ATP6V0A2: variants seen among roughly 807,000 people sequenced by gnomAD.
ATP6V0A2 encodes V-type proton ATPase 116 kDa subunit a 2.
A neutral mutation model predicts 104.4 loss-of-function variants in ATP6V0A2; 58 were observed. The observed-to-expected ratio is 0.56, with a 90% CI of 0.45 to 0.69. The LOEUF (loss-of-function observed/expected upper bound fraction) is 0.69, where lower values mean the gene tolerates loss of function less well. Among genes scored for constraint, ATP6V0A2 ranks in the 30% least tolerant of loss-of-function variants. The pLI is 0.00. For missense variants in ATP6V0A2, 938 were observed against 1,062.9 expected, an observed-to-expected ratio of 0.88 and a Z score of 1.63; for synonymous variants, 376 against 397.9, an observed-to-expected ratio of 0.95 and a Z score of 0.65.
chr12:123,748,626 C>A lies in ATP6V0A2; in HGVS notation c.1776C>A (p.Leu592=). Residue 592 remains leucine (L), a synonymous_variant, in exon 15 of 20, where the codon CTC becomes CTA. Coordinates refer to ENST00000330342, the MANE Select transcript of ATP6V0A2 (RefSeq NM_012463.4). ...NIYLVSIPEL[L]FMLCIFGYLI... The stretch of plus-strand genomic sequence containing the variant: ...ACCTGGTTTCCATCCCGGAACTTCT[C>A]TTCATGCTCTGTATCTTTGGATACC... 6.2e-7 allele frequency: 1 copy of A among 1,614,200 alleles called. No individual in the cohort carries two copies. The highest frequency in any genetic ancestry group is 8.5e-7 in the Non-Finnish European group (1 of 1,180,012).
In ATP6V0A2 at chr12:123,759,932, C is replaced by T. The variant is rs1342812211; in HGVS notation, c.*1900C>T. 1.3e-5 allele frequency: 2 copies of T among 152,176 alleles called. No homozygotes were observed. Among genetic ancestry groups the T allele is most frequent in the South Asian group, 2.1e-4 (1 of 4,832 alleles). The allele number at this position is 152,176 out of a possible 1,614,324, so 9.4% of individuals were successfully genotyped here. On this transcript the variant is annotated 3_prime_UTR_variant, in exon 20 of 20. Coordinates refer to ENST00000330342, the MANE Select transcript of ATP6V0A2 (RefSeq NM_012463.4). ...ATTCTGCTCTCAAAGTTATGCTTCC[C>T]TAGAAAGGTGTCATGTCGGGCACTT...
chr12:123,720,019 A>G (rs949590218), intron 2 of ATP6V0A2, among the ~76,000 whole-genome samples: 3 of 152,152 alleles, frequency 2.0e-5, no homozygotes, highest in Non-Finnish European at 2.9e-5. Flanking sequence ...GGCAGGTTCA[A>G]TAAACTTACT....
intron 6 of ATP6V0A2, chr12:123,732,869 C>T (rs1956516354): frequency 6.6e-6 from 1 of 151,908 alleles, no homozygotes; most frequent in South Asian, 2.1e-4. Flanking sequence ...AGTTCCCTTC[C>T]CCTCCCAGGT....
intron 6 of ATP6V0A2, among the ~76,000 whole-genome samples, chr12:123,728,150 A>C (rs1956465623): frequency 6.6e-6 from 1 of 152,228 alleles, no homozygotes; most frequent in South Asian, 2.1e-4. Context: ...TGAGCCTTGA[A>C]TCTCATTCAG....
intron 6 of ATP6V0A2, chr12:123,730,827 C>T (rs1013340262): frequency 6.6e-6 from 1 of 152,228 alleles, no homozygotes; most frequent in South Asian, 2.1e-4. Flanking sequence ...CTACCTCAGC[C>T]TCCCAAGTAG....
intron 16 of ATP6V0A2, 36 bp downstream of exon 16, chr12:123,751,265 C>A: frequency 1.2e-6 from 2 of 1,614,014 alleles, no homozygotes; most frequent in Non-Finnish European, 1.7e-6. Context: ...CAACTGTGAG[C>A]AAAGCTTGCT....
At position 123,760,696 on chromosome 12, in the gene ATP6V0A2, T is replaced by C. The variant is rs1956805878; in HGVS notation, c.*2664T>C. ...TTTCTTCAGTAAACTAGACTTTGAT[T>C]CAACCTGCTGGGCTGGAGACTGTAA... On this transcript the variant is annotated 3_prime_UTR_variant, in exon 20 of 20. Coordinates refer to ENST00000330342, the MANE Select transcript of ATP6V0A2 (RefSeq NM_012463.4). 6.6e-6 allele frequency: 1 copy of C among 152,228 alleles called. No homozygotes were observed. The highest frequency in any genetic ancestry group is 1.5e-5 in the Non-Finnish European group (1 of 68,046). 9.4% of individuals were successfully genotyped at this position (152,228 alleles called of 1,614,324 possible).
At chr12:123,712,920 G>T (rs1956306719) in intron 1 of ATP6V0A2, among the ~76,000 whole-genome samples, 1 of 152,128 alleles carries the variant, frequency 6.6e-6, no homozygotes, top group Admixed American at 6.5e-5. Flanking sequence ...AGTTAGGATC[G>T]CCCGTGTGGT....
chr12:123,756,826 G>A lies in ATP6V0A2; in HGVS notation c.2305G>A (p.Val769Ile). 2.5e-6 allele frequency: 4 copies of A among 1,613,990 alleles called. No individual in the cohort carries two copies. The highest frequency in any genetic ancestry group is 3.4e-6 in the Non-Finnish European group (4 of 1,180,046). ...GCACTCCTTTGCAGAGTTGTCTGAT[G>A]TCCTGTGGGCCATGCTGATGCGCGT... The part of the protein sequence containing the change: ...LSLAHAQLSD[V>I]LWAMLMRVGL... Residue 769 changes from valine (V) to isoleucine (I), a missense_variant, in exon 19 of 20, where the codon GTC becomes ATC. Val to Ile is a conservative substitution (Grantham distance 29). Transcript: ENST00000330342.
intron 18 of ATP6V0A2, 83 bp from the exon 19 acceptor site, chr12:123,756,732 G>A (rs1956767663): frequency 6.8e-7 from 1 of 1,468,308 alleles, no homozygotes; most frequent in East Asian, 2.3e-5. Flanking sequence ...GGGCCGTCAG[G>A]GGGAAACTCA....
At position 123,712,552 on chromosome 12, in the gene ATP6V0A2, C is replaced by T. The variant is rs1139320; in HGVS notation, c.-14C>T. On this transcript the variant is annotated 5_prime_UTR_variant, in exon 1 of 20. Coordinates refer to ENST00000330342, the MANE Select transcript of ATP6V0A2 (RefSeq NM_012463.4). ...GCCGCCCATCGAGCCCCTCCGGGCG[C>T]GGGTCGGCCCGCCATGGGGTCCCTG... 0.37 allele frequency: 579,557 copies of T among 1,562,770 alleles called. 111,534 individuals carry two copies. Among genetic ancestry groups the T allele is most frequent in the African/African-American group, 0.41 (30,384 of 73,370 alleles).
At chr12:123,718,401 T>G (rs1006006055) in intron 1 of ATP6V0A2, among the ~76,000 whole-genome samples, 5 of 152,020 alleles carry the variant, frequency 3.3e-5, no homozygotes, top group African/African-American at 4.8e-5. Context: ...ATTTTTGTAT[T>G]TTTAGCAGGG....
At position 123,745,608 on chromosome 12, in the gene ATP6V0A2, A is replaced by G. The variant is rs1237049357; in HGVS notation, c.1605+636A>G. The stretch of plus-strand genomic sequence containing the variant: ...GTAGTCCCAGCTACTCAGGAGGCTG[A>G]GGCAGGAGAATGGCGTGAACCCAGG... On this transcript the variant is annotated intron_variant, in intron 13 of 19. Transcript: ENST00000330342. 2.0e-5 allele frequency among the ~76,000 whole-genome samples: 3 copies of G among 151,836 alleles called. No individual in the cohort carries two copies. In the East Asian group the frequency reaches 5.8e-4, roughly 29 times the overall value.
rs938845221 is a variant in ATP6V0A2 at position 123,760,015 on chromosome 12, C to T, written c.*1983C>T. The T allele has an allele frequency of 6.6e-6, 1 of 152,184 alleles. No individual in the cohort carries two copies. The highest frequency in any genetic ancestry group is 6.5e-5 in the Admixed American group (1 of 15,280). 9.4% of individuals were successfully genotyped at this position (152,184 alleles called of 1,614,324 possible). A position where few individuals can be genotyped will look rare whatever the true frequency, so the allele number is the denominator to read the frequency against. On this transcript the variant is annotated 3_prime_UTR_variant, in exon 20 of 20. Transcript: ENST00000330342. Reference sequence around the variant, plus strand: ...GGTCAGGTCTCAGAGTTGCTTTCACCTAGAGCTGATGCTTCCACAAGGGGA... The same window carrying T: ...GGTCAGGTCTCAGAGTTGCTTTCACTTAGAGCTGATGCTTCCACAAGGGGA...
chr12:123,720,010 G>T (rs1566274063), intron 2 of ATP6V0A2, among the ~76,000 whole-genome samples: 1 of 152,110 alleles, frequency 6.6e-6, no homozygotes, highest in South Asian at 2.1e-4. Context: ...GGAGCAGCCG[G>T]CAGGTTCAAT....
intron 18 of ATP6V0A2, among the ~76,000 whole-genome samples, chr12:123,755,216 A>G (rs1055163708): frequency 6.6e-5 from 10 of 152,070 alleles, no homozygotes; most frequent in Non-Finnish European, 1.3e-4. Flanking sequence ...AAAGGGTGCA[A>G]TGTTGCAAGT....
chr12:123,726,898 T>G (rs958506380), intron 5 of ATP6V0A2, among the ~76,000 whole-genome samples: 1 of 152,228 alleles, frequency 6.6e-6, no homozygotes, highest in East Asian at 1.9e-4. Flanking sequence ...TGAGATTTTT[T>G]TGTTGATTTG....
At chr12:123,741,498 T>C (rs1956608639) in intron 9 of ATP6V0A2, among the ~76,000 whole-genome samples, 1 of 152,178 alleles carries the variant, frequency 6.6e-6, no homozygotes, top group Non-Finnish European at 1.5e-5. Flanking sequence ...ACAGTGGTAA[T>C]GGTCGTAGCT....
intron 1 of ATP6V0A2, among the ~76,000 whole-genome samples, chr12:123,713,265 G>T (rs962318897): frequency 1.3e-5 from 2 of 151,860 alleles, no homozygotes; most frequent in Non-Finnish European, 2.9e-5. Flanking sequence ...GGAAGGAGCT[G>T]GATGTCATCT....
Sources: allele counts gnomAD v4.1 joint callset (sites outside exome capture counted in the v4.1 genomes callset), GRCh38; gene constraint gnomAD v4.1.1; transcripts MANE v1.5; gene names NCBI Gene and HGNC (gene_info 2026-07-23, HGNC 2026-07-21).